C12orf42: variants seen among roughly 807,000 people sequenced by gnomAD.
C12orf42 encodes chromosome 12 open reading frame 42.
Under a neutral mutation model 21.6 loss-of-function variants are expected in C12orf42, and 25 were observed. That is an observed-to-expected ratio of 1.16 (90% CI 0.84 to 1.62). The LOEUF (loss-of-function observed/expected upper bound fraction) is 1.62. Among genes scored for constraint, C12orf42 ranks in the 40% most tolerant of loss-of-function variants. The pLI, the probability that C12orf42 is intolerant of heterozygous loss-of-function variation, is 0.00. For synonymous variants in C12orf42, 174 were observed against 175.0 expected (o/e 0.99, Z 0.05); for missense variants, 483 against 459.3 (o/e 1.05, Z -0.47).
At chr12:103,553,734 T>G in the C12orf42 span, among the ~76,000 whole-genome samples, 4 of 152,042 alleles carry the variant, frequency 2.6e-5, no homozygotes, top group Admixed American at 6.6e-5. Flanking sequence ...TGGGAATCTG[T>G]TTTTAGTAAG....
chr12:103,287,588 G>A (rs1041708168), intron 4 of C12orf42, among the ~76,000 whole-genome samples: 2 of 151,954 alleles, frequency 1.3e-5, no homozygotes, highest in African/African-American at 4.8e-5. Context: ...ATAGCATTAG[G>A]TGATATACCT....
chr12:103,294,430 G>GAA (rs375992934), intron 4 of C12orf42, among the ~76,000 whole-genome samples: 3 of 71,840 alleles, frequency 4.2e-5, no homozygotes, highest in Admixed American at 1.4e-4. Flanking sequence ...AGGAGAGAGA[G>GAA]AAAGAAAGAA....
chr12:103,463,848 G>GT (rs1952908239), intron 2 of C12orf42, among the ~76,000 whole-genome samples: 1 of 152,136 alleles, frequency 6.6e-6, no homozygotes, highest in Admixed American at 6.5e-5. Context: ...TCCTGTGTTA[G>GT]TTTGCTGAGG....
rs186810131 is a variant in C12orf42 at position 103,367,958 on chromosome 12, A to G, written c.259+929T>C. ...TTTATTAGCATATAAATATAAGTGA[A>G]TGAATAAACACATTCAAAATAATGC... On this transcript the variant is annotated intron_variant, in intron 4 of 5. Coordinates refer to ENST00000548883, the MANE Select transcript of C12orf42 (RefSeq NM_198521.5). 4.6e-4 allele frequency: 360 copies of G among 780,944 alleles called. 2 individuals are homozygous for G. In the African/African-American group the frequency reaches 5.8e-3, roughly 12 times the overall value. 48.4% of individuals were successfully genotyped at this position (780,944 alleles called of 1,614,324 possible).
At chr12:103,091,496 A>G in the C12orf42 span, among the ~76,000 whole-genome samples, 1 of 152,166 alleles carries the variant, frequency 6.6e-6, no homozygotes, top group African/African-American at 2.4e-5. Context: ...TAGAGAAGCT[A>G]TTCTCTCTTT....
the C12orf42 span, among the ~76,000 whole-genome samples, chr12:103,201,652 C>T: frequency 3.3e-5 from 5 of 152,104 alleles, no homozygotes; most frequent in Non-Finnish European, 5.9e-5. Context: ...GGATCAGCTT[C>T]GATAATTGCT....
the C12orf42 span, among the ~76,000 whole-genome samples, chr12:103,180,179 A>T: frequency 6.6e-6 from 1 of 152,110 alleles, no homozygotes; most frequent in African/African-American, 2.4e-5. Flanking sequence ...GGGAGGAGTC[A>T]GCAAAAAGCT....
the C12orf42 span, among the ~76,000 whole-genome samples, chr12:103,517,079 G>C: frequency 6.6e-6 from 1 of 152,170 alleles, no homozygotes; most frequent in African/African-American, 2.4e-5. Context: ...GTCAACATAA[G>C]GAAGAACTTT....
chr12:103,231,684 T>A, the C12orf42 span, among the ~76,000 whole-genome samples: 1 of 152,200 alleles, frequency 6.6e-6, no homozygotes, highest in Non-Finnish European at 1.5e-5. Flanking sequence ...ATTGTCTGGA[T>A]GTATCGGTCT....
chr12:103,526,660 A>G, the C12orf42 span, among the ~76,000 whole-genome samples: 1 of 152,220 alleles, frequency 6.6e-6, no homozygotes, highest in African/African-American at 2.4e-5. Context: ...CAAGGAAATC[A>G]TTAAGCACCA....
At chr12:103,135,406 G>A in the C12orf42 span, among the ~76,000 whole-genome samples, 6 of 149,698 alleles carry the variant, frequency 4.0e-5, no homozygotes, top group African/African-American at 1.5e-4. Context: ...GCAGTGAGCC[G>A]AAATTGATCC....
At chr12:103,438,385 C>T (rs1235409736) in intron 2 of C12orf42, among the ~76,000 whole-genome samples, 61 of 152,130 alleles carry the variant, frequency 4.0e-4, no homozygotes, top group African/African-American at 1.3e-3. Flanking sequence ...CTATTCAACA[C>T]AGTGTTGGAA....
intron 4 of C12orf42, among the ~76,000 whole-genome samples, chr12:103,325,844 C>T (rs2040631213): frequency 1.3e-5 from 2 of 152,066 alleles, no homozygotes; most frequent in South Asian, 2.1e-4. Context: ...GGAGGGCTTC[C>T]TATGACAACT....
the C12orf42 span, among the ~76,000 whole-genome samples, chr12:103,051,953 T>C: frequency 1.4e-4 from 22 of 152,134 alleles, no homozygotes; most frequent in African/African-American, 4.8e-4. Flanking sequence ...TTAAATGAAA[T>C]GAGATAGTAT....
the C12orf42 span, among the ~76,000 whole-genome samples, chr12:103,533,269 C>A: frequency 7.5e-4 from 114 of 152,282 alleles, 1 homozygote; most frequent in Admixed American, 3.8e-3. Context: ...ATTGTCCCTT[C>A]CCAGACAGGA....
At chr12:103,222,195 G>A in the C12orf42 span, among the ~76,000 whole-genome samples, 3 of 152,080 alleles carry the variant, frequency 2.0e-5, no homozygotes, top group East Asian at 1.9e-4. Context: ...GGGTGCAGGC[G>A]GGCTGAGTAC....
intron 4 of C12orf42, among the ~76,000 whole-genome samples, chr12:103,282,310 G>T (rs1173407435): frequency 6.6e-6 from 1 of 152,188 alleles, no homozygotes; most frequent in African/African-American, 2.4e-5. Flanking sequence ...GAAATGCCAA[G>T]AATATAGTCA....
At chr12:103,113,874 A>G in the C12orf42 span, among the ~76,000 whole-genome samples, 1 of 152,194 alleles carries the variant, frequency 6.6e-6, no homozygotes, top group Non-Finnish European at 1.5e-5. Flanking sequence ...TAGAAATACC[A>G]TTTCCAACCA....
At chr12:103,310,221 A>G (rs1316989007) in intron 4 of C12orf42, among the ~76,000 whole-genome samples, 4 of 151,954 alleles carry the variant, frequency 2.6e-5, no homozygotes, top group South Asian at 4.2e-4. Context: ...TTGGTCATTT[A>G]AAAGTGTGTG....
Sources: allele counts gnomAD v4.1 joint callset (sites outside exome capture counted in the v4.1 genomes callset), GRCh38; gene constraint gnomAD v4.1.1; transcripts MANE v1.5; gene names NCBI Gene and HGNC (gene_info 2026-07-23, HGNC 2026-07-21).